Variants in SAMD12 observed in about 807,000 individuals in gnomAD.
SAMD12 encodes sterile alpha motif domain-containing protein 12.
Under a neutral mutation model 15.0 loss-of-function variants are expected in SAMD12, and 9 were observed. That is an observed-to-expected ratio of 0.60 (90% CI 0.36 to 1.05). The LOEUF is 1.05. Ranked by LOEUF, SAMD12 falls within the 50% of genes least tolerant of loss-of-function variation. The pLI is 0.01. For missense variants in SAMD12, 230 were observed against 234.2 expected (o/e 0.98, Z 0.12); for synonymous variants, 86 against 90.1 (o/e 0.96, Z 0.25).
At chr8:118,431,088 C>G (rs138411504) in intron 3 of SAMD12, among the ~76,000 whole-genome samples, 4 of 152,066 alleles carry the variant, frequency 2.6e-5, no homozygotes, top group Non-Finnish European at 5.9e-5. Flanking sequence ...TAACAATATA[C>G]GTTTTTAAGT....
chr8:118,176,226 G>A, the SAMD12 span, among the ~76,000 whole-genome samples: 9 of 152,102 alleles, frequency 5.9e-5, no homozygotes, highest in Non-Finnish European at 8.8e-5. Context: ...GCTTGAACCC[G>A]GGAGGCGGAG....
intron 4 of SAMD12, among the ~76,000 whole-genome samples, chr8:118,341,325 A>T (rs1379033819): frequency 6.6e-6 from 1 of 152,196 alleles, no homozygotes; most frequent in African/African-American, 2.4e-5. Context: ...TGATAAGAGC[A>T]GTCACTAAGC....
At chr8:118,437,566 G>C (rs968253593) in intron 3 of SAMD12, among the ~76,000 whole-genome samples, 1 of 152,094 alleles carries the variant, frequency 6.6e-6, no homozygotes, top group Non-Finnish European at 1.5e-5. Flanking sequence ...ATCTCTCTGA[G>C]CCAGGTACTA....
At chr8:118,447,463 C>A (rs1414853792) in intron 2 of SAMD12, among the ~76,000 whole-genome samples, 2 of 151,886 alleles carry the variant, frequency 1.3e-5, no homozygotes, top group Admixed American at 6.6e-5. Flanking sequence ...CCACTACGCC[C>A]AGCTAACTTT....
At chr8:118,384,026 G>A (rs1366819427) in intron 3 of SAMD12, among the ~76,000 whole-genome samples, 5 of 152,182 alleles carry the variant, frequency 3.3e-5, no homozygotes, top group South Asian at 2.1e-4. Flanking sequence ...AGACAGGGAC[G>A]CCTATTAAAA....
chr8:118,459,072 GTT>G (rs35462671), intron 2 of SAMD12, among the ~76,000 whole-genome samples: 2 of 149,730 alleles, frequency 1.3e-5, no homozygotes, highest in East Asian at 3.9e-4. Flanking sequence ...TCAAACAATT[GTT>G]TTTTTTTTGG....
chr8:118,407,523 AAGG>A (rs1821193924), intron 3 of SAMD12, among the ~76,000 whole-genome samples: 1 of 152,222 alleles, frequency 6.6e-6, no homozygotes, highest in African/African-American at 2.4e-5. Flanking sequence ...TTGGTAGAAG[AAGG>A]AGGTTAGCCC....
chr8:118,186,908 A>T (rs1262425861), downstream of SAMD12, among the ~76,000 whole-genome samples: 14 of 152,076 alleles, frequency 9.2e-5, no homozygotes, highest in Non-Finnish European at 2.1e-4. Context: ...GGATTTTAAG[A>T]TATTTTCTGT....
chr8:118,384,831 G>T (rs1412664016), intron 3 of SAMD12, among the ~76,000 whole-genome samples: 1 of 152,132 alleles, frequency 6.6e-6, no homozygotes, highest in Non-Finnish European at 1.5e-5. Context: ...GTTGTCTGGG[G>T]GTAAGGTAAG....
the SAMD12 span, among the ~76,000 whole-genome samples, chr8:118,180,919 G>C: frequency 6.6e-6 from 1 of 152,186 alleles, no homozygotes; most frequent in East Asian, 1.9e-4. Flanking sequence ...AGATTCTAGA[G>C]CCTCCGCTGT....
chr8:118,580,772 C>T lies in SAMD12; in HGVS notation c.135G>A (p.Lys45=), dbSNP rs1177775484. 1.2e-6 allele frequency: 2 copies of T among 1,613,256 alleles called. No homozygotes were observed. The highest frequency in any genetic ancestry group is 1.3e-5 in the African/African-American group (1 of 74,834). The change falls in exon 2 of 4, where the codon AAG becomes AAA. Residue 45 remains lysine, a synonymous_variant. Coordinates refer to ENST00000314727, the MANE Select transcript of SAMD12 (RefSeq NM_207506.3). ...TGGGAGTTCCTTTCTGGTCAGGCAC[C>T]TTCTGGAAATTTTTATTTTTAATGG... The part of the protein sequence containing the change: ...SQSIKNKNFQ[K]VPDQKGTPKR...
At chr8:118,170,951 T>A in the SAMD12 span, among the ~76,000 whole-genome samples, 2 of 152,160 alleles carry the variant, frequency 1.3e-5, no homozygotes, top group African/African-American at 2.4e-5. Context: ...GTATTCAAAA[T>A]ACATAAAGAA....
intron 4 of SAMD12, among the ~76,000 whole-genome samples, chr8:118,209,550 G>T (rs1005582602): frequency 3.3e-5 from 5 of 152,134 alleles, no homozygotes; most frequent in Non-Finnish European, 5.9e-5. Context: ...GAATCCACTT[G>T]GCATGAGTCT....
chr8:118,392,377 G>C (rs944969426), intron 3 of SAMD12, among the ~76,000 whole-genome samples: 3 of 152,224 alleles, frequency 2.0e-5, no homozygotes, highest in Admixed American at 1.3e-4. Flanking sequence ...GTTGCAGTGA[G>C]CAGAGATCAC....
At chr8:118,176,126 C>T in the SAMD12 span, among the ~76,000 whole-genome samples, 1 of 151,994 alleles carries the variant, frequency 6.6e-6, no homozygotes, top group Admixed American at 6.6e-5. Flanking sequence ...ACGGTGAAAC[C>T]CCATCTCTAC....
At chr8:118,161,724 ATTG>A in the SAMD12 span, among the ~76,000 whole-genome samples, 2 of 135,038 alleles carry the variant, frequency 1.5e-5, no homozygotes, top group East Asian at 2.2e-4. Context: ...TATTATTATT[ATTG>A]TTATCAATAT....
intron 2 of SAMD12, among the ~76,000 whole-genome samples, chr8:118,486,736 C>T (rs975710602): frequency 2.0e-5 from 3 of 151,984 alleles, no homozygotes; most frequent in Admixed American, 6.6e-5. Flanking sequence ...AAAAAATATA[C>T]CGTAGGCAGT....
intron 2 of SAMD12, among the ~76,000 whole-genome samples, chr8:118,477,097 G>A (rs1325653954): frequency 6.8e-6 from 1 of 147,588 alleles, no homozygotes; most frequent in Non-Finnish European, 1.5e-5. Flanking sequence ...TTGGAGTCTT[G>A]CTCTGTTGCT....
intron 4 of SAMD12, among the ~76,000 whole-genome samples, chr8:118,319,390 G>C (rs533401254): frequency 2.0e-5 from 3 of 152,242 alleles, no homozygotes. Context: ...CTCCTAGTCA[G>C]CAAGGGAAGG....
Sources: gnomAD v4.1 joint callset for allele counts (sites outside exome capture counted in the v4.1 genomes callset) on GRCh38, gnomAD v4.1.1 for gene constraint, MANE v1.5 for transcripts, NCBI Gene and HGNC (gene_info 2026-07-23, HGNC 2026-07-21) for gene names.